The following ACTR3C variants were observed in gnomAD, a reference collection of about 807,000 sequenced individuals.
ACTR3C encodes the protein actin-related protein 3C.
A neutral mutation model predicts 26.3 loss-of-function variants in ACTR3C; 18 were observed. That is an observed-to-expected ratio of 0.68 (90% confidence interval 0.47 to 1.01). ACTR3C has a LOEUF of 1.01. Among genes scored for constraint, ACTR3C ranks in the 50% least tolerant of loss-of-function variants. The pLI is 0.00. For synonymous variants in ACTR3C, 55 were observed against 94.5 expected, an observed-to-expected ratio of 0.58 and a Z score of 2.42; for missense variants, 184 against 250.7, an observed-to-expected ratio of 0.73 and a Z score of 1.80.
chr7:150,031,309 G>T, the ACTR3C span, among the ~76,000 whole-genome samples: 2 of 152,086 alleles, frequency 1.3e-5, no homozygotes, highest in East Asian at 3.9e-4. Flanking sequence ...CCTAGCCGTG[G>T]CTGATATTTC....
At chr7:150,174,806 GA>G in the ACTR3C span, among the ~76,000 whole-genome samples, 1 of 148,302 alleles carries the variant, frequency 6.7e-6, no homozygotes, top group South Asian at 2.1e-4. Context: ...AAGCACTTAA[GA>G]AATAAATATT....
At chr7:150,120,559 C>T in the ACTR3C span, among the ~76,000 whole-genome samples, 2 of 152,062 alleles carry the variant, frequency 1.3e-5, no homozygotes, top group East Asian at 3.9e-4. Flanking sequence ...TCTGAATAGA[C>T]TAATAACAAG....
At chr7:149,992,759 T>C in the ACTR3C span, among the ~76,000 whole-genome samples, 1 of 152,204 alleles carries the variant, frequency 6.6e-6, no homozygotes. Context: ...TATGTGTATA[T>C]GAAACGGAGC....
the ACTR3C span, among the ~76,000 whole-genome samples, chr7:150,147,489 A>G: frequency 6.6e-6 from 1 of 152,358 alleles, no homozygotes; most frequent in South Asian, 2.1e-4. Context: ...TACCATATTT[A>G]CCATTTTTAC....
chr7:150,098,503 G>A, the ACTR3C span, among the ~76,000 whole-genome samples: 1 of 148,932 alleles, frequency 6.7e-6, no homozygotes, highest in Non-Finnish European at 1.5e-5. Context: ...TAAATGTGAT[G>A]GTTCACTCAA....
At chr7:150,085,432 G>C in the ACTR3C span, among the ~76,000 whole-genome samples, 13 of 152,200 alleles carry the variant, frequency 8.5e-5, no homozygotes, top group Non-Finnish European at 1.5e-4. Flanking sequence ...AGAAGAGAGT[G>C]TTTCGAGATG....
the ACTR3C span, among the ~76,000 whole-genome samples, chr7:150,114,006 A>G: frequency 1.3e-5 from 2 of 152,210 alleles, no homozygotes; most frequent in Non-Finnish European, 2.9e-5. Context: ...TCTTGCTTCA[A>G]GAGTTTACAA....
chr7:149,995,105 T>G, the ACTR3C span, among the ~76,000 whole-genome samples: 3 of 152,222 alleles, frequency 2.0e-5, no homozygotes, highest in Non-Finnish European at 2.9e-5. Flanking sequence ...TCCGCCCGCC[T>G]CAGCCTCCCA....
the ACTR3C span, among the ~76,000 whole-genome samples, chr7:149,911,513 A>G: frequency 6.6e-6 from 1 of 152,176 alleles, no homozygotes; most frequent in Admixed American, 6.6e-5. Context: ...AAAAAAGGTA[A>G]TCATTGTCAA....
At chr7:150,020,788 T>A in the ACTR3C span, among the ~76,000 whole-genome samples, 1 of 152,142 alleles carries the variant, frequency 6.6e-6, no homozygotes, top group African/African-American at 2.4e-5. Context: ...CTATATTTTT[T>A]ATATGGAACT....
the ACTR3C span, among the ~76,000 whole-genome samples, chr7:149,935,880 G>A: frequency 1.3e-5 from 2 of 152,170 alleles, no homozygotes; most frequent in Non-Finnish European, 2.9e-5. Context: ...GCACTTGTGG[G>A]AGCCTCCTGA....
At chr7:150,039,150 G>T in the ACTR3C span, among the ~76,000 whole-genome samples, 1 of 150,556 alleles carries the variant, frequency 6.6e-6, no homozygotes, top group Non-Finnish European at 1.5e-5. Flanking sequence ...GTCCTAAGCC[G>T]GTGGGGGAAG....
chr7:149,973,085 G>A, the ACTR3C span, among the ~76,000 whole-genome samples: 8,972 of 151,646 alleles, frequency 0.059, 609 homozygotes, highest in African/African-American at 0.19. Flanking sequence ...TAAGCCCCAC[G>A]AGCGGGCAGC....
the ACTR3C span, among the ~76,000 whole-genome samples, chr7:149,966,757 T>C: frequency 6.6e-6 from 1 of 152,316 alleles, no homozygotes; most frequent in East Asian, 1.9e-4. Flanking sequence ...GCCAACAGCT[T>C]TGGCTGATGT....
At chr7:150,064,049 G>A in the ACTR3C span, among the ~76,000 whole-genome samples, 7 of 151,920 alleles carry the variant, frequency 4.6e-5, no homozygotes, top group African/African-American at 1.2e-4. Context: ...ATTTCCAATC[G>A]TACTTCCAGA....
the ACTR3C span, among the ~76,000 whole-genome samples, chr7:150,114,112 G>A: frequency 6.6e-6 from 1 of 152,076 alleles, no homozygotes; most frequent in East Asian, 1.9e-4. Flanking sequence ...GTCTATGCCT[G>A]TAACAAGAAG....
At chr7:150,043,381 T>A in the ACTR3C span, among the ~76,000 whole-genome samples, 1 of 151,932 alleles carries the variant, frequency 6.6e-6, no homozygotes, top group Non-Finnish European at 1.5e-5. Flanking sequence ...GAAGAGGGGC[T>A]GGCTCTCAAC....
At chr7:149,929,146 G>A in the ACTR3C span, among the ~76,000 whole-genome samples, 2 of 152,138 alleles carry the variant, frequency 1.3e-5, no homozygotes, top group Non-Finnish European at 2.9e-5. Flanking sequence ...ATCACCAATG[G>A]ACCAGGCACA....
the ACTR3C span, among the ~76,000 whole-genome samples, chr7:149,920,698 C>T: frequency 6.8e-6 from 1 of 147,852 alleles, no homozygotes; most frequent in Non-Finnish European, 1.5e-5. Flanking sequence ...TTATTTTTTC[C>T]ATTATAGGTG....
Sources: allele counts gnomAD v4.1 joint callset (sites outside exome capture counted in the v4.1 genomes callset), GRCh38; gene constraint gnomAD v4.1.1; transcripts MANE v1.5; gene names NCBI Gene and HGNC (gene_info 2026-07-23, HGNC 2026-07-21).